KYAT3: variants seen among roughly 807,000 people sequenced by gnomAD.
KYAT3 encodes the protein kynurenine--oxoglutarate transaminase 3.
KYAT3 carries 50 observed loss-of-function variants against 59.0 expected under a neutral mutation model. The ratio of observed to expected loss-of-function variants is 0.85; its 90% CI spans 0.68 to 1.07. The LOEUF (loss-of-function observed/expected upper bound fraction) is 1.07. KYAT3 is among the 50% of genes least tolerant of loss of function. The pLI is 0.00. For missense variants in KYAT3, 497 were observed against 533.3 expected (o/e 0.93, Z 0.67); for synonymous variants, 148 against 177.0 (o/e 0.84, Z 1.30).
At chr1:88,924,719 C>G in the KYAT3 span, among the ~76,000 whole-genome samples, 1 of 152,170 alleles carries the variant, frequency 6.6e-6, no homozygotes. Flanking sequence ...GGTAAGGTGT[C>G]TGCTGTGCTC....
downstream of KYAT3, among the ~76,000 whole-genome samples, chr1:88,935,489 C>G (rs1288591251): frequency 1.3e-5 from 2 of 152,136 alleles, no homozygotes; most frequent in Non-Finnish European, 2.9e-5. Context: ...CGACTTGAAT[C>G]ATAAAAGCCT....
At chr1:88,923,734 A>T in the KYAT3 span, 1 of 280,714 alleles carries the variant, frequency 3.6e-6, no homozygotes, top group South Asian at 3.5e-5. Flanking sequence ...CTGGGAATCC[A>T]TTCTCTGCAT....
chr1:88,935,294 C>T (rs562123068), downstream of KYAT3, among the ~76,000 whole-genome samples: 1 of 150,988 alleles, frequency 6.6e-6, no homozygotes, highest in South Asian at 2.1e-4. Context: ...TGAGCCACTG[C>T]ACCTGGCTAA....
the KYAT3 span, among the ~76,000 whole-genome samples, chr1:88,925,722 GA>G: frequency 2.6e-5 from 4 of 151,798 alleles, no homozygotes; most frequent in Non-Finnish European, 5.9e-5. Flanking sequence ...AGACAGAGGA[GA>G]GAGAGACAGA....
intron 2 of KYAT3, among the ~76,000 whole-genome samples, chr1:88,984,507 G>A (rs1490364193): frequency 6.6e-6 from 1 of 152,162 alleles, no homozygotes; most frequent in Non-Finnish European, 1.5e-5. Context: ...ACCACGGCTG[G>A]CCTTAACTGG....
intron 13 of KYAT3, among the ~76,000 whole-genome samples, chr1:88,942,053 G>A (rs1675253505): frequency 6.6e-6 from 1 of 151,784 alleles, no homozygotes; most frequent in African/African-American, 2.4e-5. Context: ...GTTCTCCAAT[G>A]ACACATATAT....
chr1:88,936,818 G>T (rs1193701058), intron 13 of KYAT3, among the ~76,000 whole-genome samples: 1 of 152,182 alleles, frequency 6.6e-6, no homozygotes, highest in African/African-American at 2.4e-5. Context: ...CCAGCCTTCT[G>T]TTGTTCATCT....
intron 1 of KYAT3, among the ~76,000 whole-genome samples, chr1:88,988,861 G>A (rs1032122702): frequency 3.3e-5 from 5 of 152,316 alleles, no homozygotes; most frequent in Admixed American, 2.0e-4. Flanking sequence ...GAATATATGA[G>A]TGAATCTTAG....
the KYAT3 span, chr1:88,923,772 T>C: frequency 3.4e-6 from 1 of 292,184 alleles, no homozygotes; most frequent in South Asian, 3.2e-5. Flanking sequence ...TCTCAGAAAA[T>C]CCCTCAACTA....
chr1:88,983,477 C>T (rs752764945), intron 2 of KYAT3: 2 of 1,614,152 alleles, frequency 1.2e-6, no homozygotes, highest in South Asian at 2.2e-5. Context: ...CCTGGTTCCT[C>T]CACTTCCTCC....
At chr1:88,922,155 T>C in the KYAT3 span, among the ~76,000 whole-genome samples, 2 of 152,108 alleles carry the variant, frequency 1.3e-5, no homozygotes, top group Middle Eastern at 3.4e-3. Context: ...AAGACTGCAG[T>C]GAGCTATAAT....
chr1:88,984,831 C>T (rs1018664640), intron 2 of KYAT3, among the ~76,000 whole-genome samples: 1 of 152,122 alleles, frequency 6.6e-6, no homozygotes, highest in Admixed American at 6.5e-5. Context: ...GATTATCTTC[C>T]CTCCACCCTG....
At chr1:88,959,808 C>G (rs1456492548) in intron 8 of KYAT3, among the ~76,000 whole-genome samples, 2 of 151,630 alleles carry the variant, frequency 1.3e-5, no homozygotes, top group African/African-American at 4.8e-5. Context: ...CTCTTCCCAT[C>G]TCTATAGCAA....
At chr1:88,925,290 C>CGT in the KYAT3 span, among the ~76,000 whole-genome samples, 1 of 152,204 alleles carries the variant, frequency 6.6e-6, no homozygotes, top group Non-Finnish European at 1.5e-5. Context: ...GTCGCCCATG[C>CGT]GTGTGCCCCT....
At chr1:88,958,103 A>G (rs1437368477) in intron 8 of KYAT3, among the ~76,000 whole-genome samples, 3 of 152,206 alleles carry the variant, frequency 2.0e-5, no homozygotes, top group South Asian at 2.1e-4. Context: ...GATCAGGCCT[A>G]TAATTCCACT....
chr1:88,959,527 C>T (rs1240800088), intron 8 of KYAT3, among the ~76,000 whole-genome samples: 6 of 139,990 alleles, frequency 4.3e-5, no homozygotes, highest in Admixed American at 7.6e-5. Context: ...GAGCTGAGAT[C>T]GCACCACTGC....
intron 2 of KYAT3, among the ~76,000 whole-genome samples, chr1:88,976,611 A>G: frequency 6.6e-6 from 1 of 152,020 alleles, no homozygotes; most frequent in East Asian, 1.9e-4. Flanking sequence ...CTTACTTATT[A>G]AAAAAAAGTT....
chr1:88,960,727 A>G (rs1245285273), intron 8 of KYAT3, among the ~76,000 whole-genome samples: 1 of 152,146 alleles, frequency 6.6e-6, no homozygotes, highest in Admixed American at 6.5e-5. Context: ...GAGATAGCCC[A>G]GTAGTAATGG....
chr1:88,991,983 G>GTTTTT (rs10638041), intron 1 of KYAT3, among the ~76,000 whole-genome samples: 4,956 of 144,776 alleles, frequency 0.034, 137 homozygotes, highest in Non-Finnish European at 0.054. Context: ...TATTCTTTTG[G>GTTTTT]TTTTTTTTTT....
Sources: allele counts gnomAD v4.1 joint callset (sites outside exome capture counted in the v4.1 genomes callset), GRCh38; gene constraint gnomAD v4.1.1; transcripts MANE v1.5; gene names NCBI Gene and HGNC (gene_info 2026-07-23, HGNC 2026-07-21).